DYRK1A: variants seen among roughly 807,000 people sequenced by gnomAD.
DYRK1A encodes the protein dual specificity tyrosine phosphorylation regulated kinase 1A.
DYRK1A carries 9 observed loss-of-function variants against 79.7 expected under a neutral mutation model. The ratio of observed to expected loss-of-function variants is 0.11; its 90% CI spans 0.07 to 0.20. The LOEUF (loss-of-function observed/expected upper bound fraction) is 0.20. Among genes scored for constraint, DYRK1A ranks in the 10% least tolerant of loss-of-function variants. The pLI is 1.00. For missense variants in DYRK1A, 622 were observed against 956.0 expected (o/e 0.65, Z 4.61); for synonymous variants, 349 against 329.7 (o/e 1.06, Z -0.63).
chr21:37,503,770 T>C (rs2053519721), intron 9 of DYRK1A: 1 of 152,224 alleles, frequency 6.6e-6, no homozygotes, highest in African/African-American at 2.4e-5. Flanking sequence ...AAATTCTACA[T>C]CTATTCATAT....
intron 9 of DYRK1A, chr21:37,504,228 A>T (rs2053531203): frequency 6.6e-6 from 1 of 152,344 alleles, no homozygotes. Context: ...GTCTCTATAC[A>T]TTACTGCCCA....
chr21:37,478,069 A>C lies in DYRK1A; in HGVS notation c.208-139A>C, dbSNP rs1002694412. 3.6e-6 allele frequency: 4 copies of C among 1,125,050 alleles called. No homozygotes were observed. In the African/African-American group the frequency reaches 4.7e-5, roughly 13 times the overall value. The allele number at this position is 1,125,050 out of a possible 1,614,324, so 69.7% of individuals were successfully genotyped here. On this transcript the variant is annotated intron_variant, in intron 3 of 11. Coordinates refer to ENST00000647188, the MANE Select transcript of DYRK1A (RefSeq NM_001347721.2). ...ACATGAAAGGGAACTTTGAGAGAGA[A>C]TGTATAATCATCTAATGTGTAGCTG... is the stretch of plus-strand genomic sequence containing the variant.
At position 37,525,580 on chromosome 21, in the gene DYRK1A, C is replaced by G. The variant is rs1311921836; in HGVS notation, c.*13049C>G. ...TGGAATAGAAAATGGCTCAGTTGGA[C>G]AACTTACAAAGCTTGTAATAATATA... On this transcript the variant is annotated 3_prime_UTR_variant, in exon 12 of 12. Transcript: ENST00000647188. 1 of 152,168 alleles carries G rather than the reference C, an allele frequency of 6.6e-6. No individual in the cohort carries two copies. Among genetic ancestry groups the G allele is most frequent in the Admixed American group, 6.5e-5 (1 of 15,290 alleles). The allele number at this position is 152,168 out of a possible 1,614,324, so 9.4% of individuals were successfully genotyped here. A position where few individuals can be genotyped will look rare whatever the true frequency, so the allele number is the denominator to read the frequency against.
In DYRK1A at chr21:37,512,427, C is replaced by T. The variant is rs2148663258; in HGVS notation, c.2161C>T (p.His721Tyr). The change falls in exon 12 of 12, where the codon CAT (histidine) becomes TAT (tyrosine). Residue 721 changes from histidine (H) to tyrosine (Y), a missense_variant. By Grantham distance (83) the His-to-Tyr change is moderately conservative. Transcript: ENST00000647188. The part of the protein sequence containing the change: ...YQFSANTGPA[H>Y]YMTEGHLTMR... ...ATTTTCTGCTAATACAGGTCCTGCA[C>T]ATTACATGACTGAAGGACATCTGAC... 2 of 1,614,214 alleles carry T rather than the reference C, an allele frequency of 1.2e-6. No homozygotes were observed. The highest frequency in any genetic ancestry group is 1.7e-6 in the Non-Finnish European group (2 of 1,180,040).
At chr21:37,399,287 T>C (rs899538284) in intron 1 of DYRK1A, among the ~76,000 whole-genome samples, 19 of 152,196 alleles carry the variant, frequency 1.2e-4, no homozygotes, top group African/African-American at 4.3e-4. Flanking sequence ...CCCATAAGAC[T>C]CTTCCTCCTT....
At chr21:37,373,901 A>G (rs567635293) in intron 1 of DYRK1A, among the ~76,000 whole-genome samples, 6 of 152,350 alleles carry the variant, frequency 3.9e-5, no homozygotes, top group African/African-American at 9.6e-5. Context: ...GCTTCCAGAA[A>G]TAGACTTTGA....
chr21:37,423,904 C>T (rs2050546041), intron 2 of DYRK1A, among the ~76,000 whole-genome samples: 1 of 151,948 alleles, frequency 6.6e-6, no homozygotes, highest in Admixed American at 6.6e-5. Flanking sequence ...GTACTTAAAA[C>T]CGTTTGTGGC....
Position 37,426,684 on chromosome 21 carries a change from G to A in DYRK1A, c.10+6300G>A, listed in dbSNP as rs143022714. On this transcript the variant is annotated intron_variant, in intron 2 of 11. Transcript: ENST00000647188. ...TCAGCACTTTGGGAGGCCGAGGCGG[G>A]CAGATCACGAGGTCAGGAGATCGAG... Among the ~76,000 whole-genome samples, 1,354 of 151,600 alleles carry A rather than the reference G, an allele frequency of 8.9e-3. 18 individuals are homozygous for A. The highest frequency in any genetic ancestry group is 0.031 in the African/African-American group (1,298 of 41,350).
intron 1 of DYRK1A, among the ~76,000 whole-genome samples, chr21:37,413,678 G>C (rs971069421): frequency 6.6e-6 from 1 of 152,144 alleles, no homozygotes; most frequent in Non-Finnish European, 1.5e-5. Flanking sequence ...AGCACTAAGC[G>C]CTGGATCTCA....
chr21:37,418,415 A>C (rs2050399744), intron 1 of DYRK1A, among the ~76,000 whole-genome samples: 1 of 152,208 alleles, frequency 6.6e-6, no homozygotes, highest in South Asian at 2.1e-4. Flanking sequence ...AATTTCTAAC[A>C]ATTTTTAATA....
At chr21:37,484,571 C>A (rs146348790) in intron 5 of DYRK1A, among the ~76,000 whole-genome samples, 11 of 151,990 alleles carry the variant, frequency 7.2e-5, no homozygotes, top group African/African-American at 2.7e-4. Flanking sequence ...TCAGGTGATC[C>A]GCCTGCCTTG....
intron 11 of DYRK1A, 194 bp downstream of exon 11, chr21:37,506,417 T>A: frequency 6.8e-7 from 1 of 1,479,796 alleles, no homozygotes; most frequent in African/African-American, 1.4e-5. Context: ...TAGAAGTGGC[T>A]AACACTTATT....
At chr21:37,405,725 A>C (rs1431572168) in intron 1 of DYRK1A, among the ~76,000 whole-genome samples, 1 of 152,090 alleles carries the variant, frequency 6.6e-6, no homozygotes, top group Non-Finnish European at 1.5e-5. Flanking sequence ...TCCCTCCCTC[A>C]TAACTTTAGC....
chr21:37,516,131 A>G lies in DYRK1A; in HGVS notation c.*3600A>G, dbSNP rs996740564. The G allele has an allele frequency of 6.6e-6, 1 of 152,232 alleles. No individual in the cohort carries two copies. Among genetic ancestry groups the G allele is most frequent in the African/African-American group, 2.4e-5 (1 of 41,458 alleles). The allele number at this position is 152,232 out of a possible 1,614,324, so 9.4% of individuals were successfully genotyped here. Reference sequence around the variant, plus strand: ...CCGGTGCATTCTGGGTGGTATCCCCATAGACAGAATACAAGTTCAAGACTC... The same window carrying G: ...CCGGTGCATTCTGGGTGGTATCCCCGTAGACAGAATACAAGTTCAAGACTC... On this transcript the variant is annotated 3_prime_UTR_variant, in exon 12 of 12. Transcript: ENST00000647188.
intron 1 of DYRK1A, among the ~76,000 whole-genome samples, chr21:37,417,386 G>T (rs1456647685): frequency 6.6e-6 from 1 of 151,804 alleles, no homozygotes; most frequent in South Asian, 2.1e-4. Context: ...TGGAGATGGG[G>T]TTTCTCCATG....
At chr21:37,509,505 C>T (rs562402067) in intron 11 of DYRK1A, among the ~76,000 whole-genome samples, 42 of 152,266 alleles carry the variant, frequency 2.8e-4, no homozygotes, top group Non-Finnish European at 5.7e-4. Context: ...GGAGTGCACT[C>T]GTGTCATCAC....
chr21:37,508,752 T>A (rs975527974), intron 11 of DYRK1A, among the ~76,000 whole-genome samples: 36 of 152,334 alleles, frequency 2.4e-4, no homozygotes, highest in African/African-American at 8.2e-4. Context: ...CTTTGTGTAA[T>A]ATGCCACATT....
chr21:37,457,454 C>G (rs1169235275), intron 2 of DYRK1A, among the ~76,000 whole-genome samples: 1 of 152,142 alleles, frequency 6.6e-6, no homozygotes, highest in Non-Finnish European at 1.5e-5. Flanking sequence ...CCAGTCTGGT[C>G]TCGAACTCCT....
rs1449270100 is a variant in DYRK1A, at chr21:37,469,927, C to T, written c.11-2757C>T. Among the ~76,000 whole-genome samples the T allele has an allele frequency of 2.6e-5, 4 of 152,198 alleles. No individual in the cohort carries two copies. The East Asian group carries it at 5.8e-4, about 22-fold the overall frequency. ...TTGGGAGGCTGAGGCGGGTGGATCA[C>T]GAGGTCAGGAGATCGAGACCATCCT... On this transcript the variant is annotated intron_variant, in intron 2 of 11. Transcript: ENST00000647188.
Sources: gnomAD v4.1 joint callset for allele counts (sites outside exome capture counted in the v4.1 genomes callset) on GRCh38, gnomAD v4.1.1 for gene constraint, MANE v1.5 for transcripts, NCBI Gene and HGNC (gene_info 2026-07-23, HGNC 2026-07-21) for gene names.